The following BMPR1B variants were observed in gnomAD, a reference collection of about 807,000 sequenced individuals.
BMPR1B encodes bone morphogenetic protein receptor type-1B.
In BMPR1B, 12 loss-of-function variants were observed where a neutral mutation model predicts 59.1. The ratio of observed to expected loss-of-function variants is 0.20; its 90% CI spans 0.13 to 0.33. The LOEUF (loss-of-function observed/expected upper bound fraction) is 0.33. Among genes scored for constraint, BMPR1B ranks in the 10% least tolerant of loss-of-function variants. The pLI is 1.00. For missense variants in BMPR1B, 550 were observed against 610.9 expected (o/e 0.90, Z 1.05); for synonymous variants, 237 against 207.3 (o/e 1.14, Z -1.23).
intron 1 of BMPR1B, among the ~76,000 whole-genome samples, chr4:94,834,773 G>C (rs531537020): frequency 6.6e-6 from 1 of 152,132 alleles, no homozygotes; most frequent in South Asian, 2.1e-4. Flanking sequence ...AACAGTAGCA[G>C]CTCTTCCATA....
At chr4:94,900,435 T>G (rs1436553585) in intron 2 of BMPR1B, among the ~76,000 whole-genome samples, 1 of 152,010 alleles carries the variant, frequency 6.6e-6, no homozygotes, top group African/African-American at 2.4e-5. Flanking sequence ...TGCAAAATTG[T>G]AAAGGCACAA....
chr4:95,068,407 C>T (rs1402261491), intron 3 of BMPR1B, among the ~76,000 whole-genome samples: 2 of 152,230 alleles, frequency 1.3e-5, no homozygotes, highest in Admixed American at 1.3e-4. Flanking sequence ...TTTGACCTAC[C>T]CGTGACTGCT....
In BMPR1B at chr4:94,985,527, G is replaced by GTGTGTT. The variant is rs1553924105; in HGVS notation, c.-112-10508_-112-10507insTTGTGT. 8.7e-3 allele frequency among the ~76,000 whole-genome samples: 1,216 copies of GTGTGTT among 139,144 alleles called. 9 individuals carry two copies. The highest frequency in any genetic ancestry group is 0.028 in the South Asian group (107 of 3,844). 91.3% of individuals were successfully genotyped at this position (139,144 alleles called of 152,430 possible). On this transcript the variant is annotated intron_variant, in intron 2 of 12. Coordinates refer to ENST00000515059, the MANE Select transcript of BMPR1B (RefSeq NM_001203.3). ...ATAAGAGCTGTGTGTGTGTGTGTGT[G>GTGTGTT]TGTGTGTGTGTGTGTGTGTGTGTGT... is the stretch of plus-strand genomic sequence containing the variant.
intron 2 of BMPR1B, among the ~76,000 whole-genome samples, chr4:94,876,811 ACTT>A (rs1726750982): frequency 6.6e-6 from 1 of 152,210 alleles, no homozygotes; most frequent in African/African-American, 2.4e-5. Context: ...TACATGTTAT[ACTT>A]CTTAATGGGT....
At chr4:94,762,241 GAC>G (rs1401304840) in intron 1 of BMPR1B, among the ~76,000 whole-genome samples, 12 of 152,170 alleles carry the variant, frequency 7.9e-5, no homozygotes, top group African/African-American at 2.7e-4. Context: ...GACTATAAGA[GAC>G]ACAGATCCTT....
At chr4:95,079,746 G>GA (rs60486038) in intron 3 of BMPR1B, among the ~76,000 whole-genome samples, 16,458 of 142,406 alleles carry the variant, frequency 0.12, 1,239 homozygotes, top group East Asian at 0.29. Flanking sequence ...GGTGTGAAAT[G>GA]AAAAAAAAAA....
Position 94,799,974 on chromosome 4 carries a change from G to T in BMPR1B, c.-183+41906G>T, listed in dbSNP as rs569058071. On this transcript the variant is annotated intron_variant, in intron 1 of 12. Transcript: ENST00000515059. ...CAAAGTGGTGAGGTTACAGGCATGA[G>T]CCACTGTGCCCAGCTTCAGTGGGTG... Among the ~76,000 whole-genome samples, 4 of 152,252 alleles carry T rather than the reference G, an allele frequency of 2.6e-5. No homozygotes were observed. In the South Asian group the frequency reaches 8.3e-4, roughly 32 times the overall value.
intron 1 of BMPR1B, among the ~76,000 whole-genome samples, chr4:94,823,552 T>C (rs2110657970): frequency 6.6e-6 from 1 of 152,196 alleles, no homozygotes; most frequent in African/African-American, 2.4e-5. Flanking sequence ...TGGTCACAGT[T>C]TATGAAGAAA....
At chr4:94,769,054 T>G (rs547524344) in intron 1 of BMPR1B, among the ~76,000 whole-genome samples, 85 of 152,312 alleles carry the variant, frequency 5.6e-4, no homozygotes, top group African/African-American at 2.0e-3. Context: ...TTATGCATTC[T>G]TAAACATTTT....
chr4:94,873,410 CTTT>C (rs35696562), intron 1 of BMPR1B, among the ~76,000 whole-genome samples: 4 of 139,582 alleles, frequency 2.9e-5, no homozygotes. Flanking sequence ...GCTATGAATT[CTTT>C]TTTTTTTTTT....
intron 2 of BMPR1B, among the ~76,000 whole-genome samples, chr4:94,940,374 G>A (rs1028132389): frequency 2.6e-5 from 4 of 152,106 alleles, no homozygotes; most frequent in African/African-American, 9.7e-5. Context: ...TTTATGTGTG[G>A]CCCAAGACAA....
rs566287767 is a variant in BMPR1B, at chr4:94,896,542, T to TA, written c.-113+20649dup. 3.2e-3 allele frequency among the ~76,000 whole-genome samples: 487 copies of TA among 152,052 alleles called. 3 individuals are homozygous for TA. The highest frequency in any genetic ancestry group is 6.8e-3 in the Middle Eastern group (2 of 292). On this transcript the variant is annotated intron_variant, in intron 2 of 12. Coordinates refer to ENST00000515059, the MANE Select transcript of BMPR1B (RefSeq NM_001203.3). ...GGAACTTCTCAAGCTCAAAACAGTG[T>TA]AAAAAAATAGAGCTCCCTAGAGCAT...
chr4:94,927,153 TG>T (rs1560551077), intron 2 of BMPR1B, among the ~76,000 whole-genome samples: 3 of 152,146 alleles, frequency 2.0e-5, no homozygotes, highest in Non-Finnish European at 4.4e-5. Flanking sequence ...CAGACTGGTT[TG>T]TTCATTCCTT....
chr4:94,841,048 A>AG (rs1307299079), intron 1 of BMPR1B, among the ~76,000 whole-genome samples: 1 of 138,886 alleles, frequency 7.2e-6, no homozygotes, highest in Non-Finnish European at 1.6e-5. Flanking sequence ...TGCCCCTGCT[A>AG]GGGGGTGCCT....
intron 2 of BMPR1B, among the ~76,000 whole-genome samples, chr4:94,957,330 CGTG>C (rs1730177942): frequency 1.7e-5 from 1 of 60,458 alleles, no homozygotes; most frequent in Non-Finnish European, 3.1e-5. Context: ...CCTCCTGTTT[CGTG>C]TTTTTTTTTT....
chr4:95,086,127 T>C (rs1033880397), intron 3 of BMPR1B, among the ~76,000 whole-genome samples: 41 of 152,322 alleles, frequency 2.7e-4, no homozygotes, highest in African/African-American at 9.1e-4. Flanking sequence ...TAAACATTCA[T>C]AAAGCTATGA....
intron 2 of BMPR1B, among the ~76,000 whole-genome samples, chr4:94,942,246 C>G (rs907369168): frequency 1.3e-5 from 2 of 152,158 alleles, no homozygotes; most frequent in Non-Finnish European, 2.9e-5. Flanking sequence ...AGACAGAATT[C>G]TCTCAAATTT....
intron 3 of BMPR1B, chr4:95,103,420 A>T: frequency 1.0e-6 from 1 of 982,910 alleles, no homozygotes; most frequent in Non-Finnish European, 1.2e-6. Flanking sequence ...TAAATGTGTT[A>T]TGAGAGAGAT....
chr4:95,070,541 C>T (rs1349413165), intron 3 of BMPR1B, among the ~76,000 whole-genome samples: 2 of 152,094 alleles, frequency 1.3e-5, no homozygotes, highest in Non-Finnish European at 2.9e-5. Flanking sequence ...AACAAGACTT[C>T]TTAGTGTCAC....
Sources: gnomAD v4.1 joint callset for allele counts (sites outside exome capture counted in the v4.1 genomes callset) on GRCh38, gnomAD v4.1.1 for gene constraint, MANE v1.5 for transcripts, NCBI Gene and HGNC (gene_info 2026-07-23, HGNC 2026-07-21) for gene names.